The following RABEP1 variants were observed in gnomAD, a reference collection of about 807,000 sequenced individuals.
The protein encoded by RABEP1 is rab GTPase-binding effector protein 1.
In RABEP1, 51 loss-of-function variants were observed where a neutral mutation model predicts 123.4. The observed-to-expected ratio is 0.41, with a 90% CI of 0.33 to 0.52. The LOEUF (loss-of-function observed/expected upper bound fraction) is 0.52, where lower values mean the gene tolerates loss of function less well. RABEP1 is among the 20% of genes least tolerant of loss of function. RABEP1 has a pLI of 0.16. For synonymous variants in RABEP1, 347 were observed against 355.2 expected (o/e 0.98, Z 0.26); for missense variants, 888 against 996.3 (o/e 0.89, Z 1.46).
intron 5 of RABEP1, 159 bp downstream of exon 5, chr17:5,338,297 C>CAG: frequency 1.1e-6 from 1 of 907,062 alleles, no homozygotes; most frequent in Non-Finnish European, 1.5e-6. Flanking sequence ...CGAGGTGGCT[C>CAG]ACGCCTGTAA....
chr17:5,368,560 C>T, intron 12 of RABEP1, 92 bp downstream of exon 12: 3 of 922,628 alleles, frequency 3.3e-6, no homozygotes, highest in Middle Eastern at 2.6e-4. Context: ...AATTTATCAT[C>T]CTGTCCAAAG....
chr17:5,325,881 C>CA (rs1173825551), intron 2 of RABEP1, among the ~76,000 whole-genome samples: 3 of 151,950 alleles, frequency 2.0e-5, no homozygotes, highest in Non-Finnish European at 4.4e-5. Context: ...GCCACATTAC[C>CA]AAATGGGCAG....
chr17:5,309,195 T>C (rs2075210672), intron 2 of RABEP1, among the ~76,000 whole-genome samples: 1 of 152,206 alleles, frequency 6.6e-6, no homozygotes, highest in South Asian at 2.1e-4. Context: ...CCAACAAATA[T>C]TCAGTTATTT....
intron 4 of RABEP1, among the ~76,000 whole-genome samples, chr17:5,337,125 T>C (rs1246148900): frequency 2.0e-5 from 3 of 152,224 alleles, no homozygotes; most frequent in Admixed American, 6.5e-5. Context: ...TTGGTTCCTT[T>C]TAATCCATGT....
rs764630692 is a variant in RABEP1 at position 5,381,731 on chromosome 17, G to A, written c.2487+226G>A. On this transcript the variant is annotated intron_variant, in intron 17 of 17. Transcript: ENST00000537505. Reference sequence around the variant, plus strand: ...TGCCTTGCCAATTTTGCCTCCTTATGAGTAAAGTACTGACTCCTTAGCATA... The same window carrying A: ...TGCCTTGCCAATTTTGCCTCCTTATAAGTAAAGTACTGACTCCTTAGCATA... 51 of 551,584 alleles carry A rather than the reference G, an allele frequency of 9.2e-5. 2 individuals carry two copies. The South Asian group carries it at 1.7e-3, about 18-fold the overall frequency. The allele number at this position is 551,584 out of a possible 1,614,324, so 34.2% of individuals were successfully genotyped here.
chr17:5,375,558 T>C (rs1302160105), intron 13 of RABEP1, among the ~76,000 whole-genome samples: 1 of 152,006 alleles, frequency 6.6e-6, no homozygotes, highest in Non-Finnish European at 1.5e-5. Context: ...TAGCCAAGGA[T>C]GGTGGCACAC....
At chr17:5,334,479 G>A (rs1281077611) in intron 3 of RABEP1, among the ~76,000 whole-genome samples, 4 of 152,048 alleles carry the variant, frequency 2.6e-5, no homozygotes, top group South Asian at 4.1e-4. Context: ...TGATCCACCC[G>A]CCTCGGCCTC....
intron 2 of RABEP1, 111 bp downstream of exon 2, chr17:5,308,933 C>A: frequency 1.8e-6 from 2 of 1,104,322 alleles, no homozygotes; most frequent in South Asian, 2.0e-5. Flanking sequence ...TTTATTTGTA[C>A]TTGCATAATA....
At chr17:5,363,351 C>CT (rs1185964645) in intron 10 of RABEP1, among the ~76,000 whole-genome samples, 1 of 151,882 alleles carries the variant, frequency 6.6e-6, no homozygotes, top group Non-Finnish European at 1.5e-5. Flanking sequence ...TGCCGAGTAG[C>CT]TGGGATTACA....
At chr17:5,291,257 A>C (rs917159860) in intron 1 of RABEP1, among the ~76,000 whole-genome samples, 1 of 152,054 alleles carries the variant, frequency 6.6e-6, no homozygotes, top group South Asian at 2.1e-4. Flanking sequence ...AAAAATACAA[A>C]AAATTAACTG....
intron 1 of RABEP1, among the ~76,000 whole-genome samples, chr17:5,282,923 C>T (rs1209901693): frequency 7.2e-5 from 11 of 152,062 alleles, no homozygotes; most frequent in Admixed American, 7.2e-4. Context: ...AGTGTACCCT[C>T]CCTGCCGCCC....
chr17:5,301,178 A>G (rs530865491), intron 1 of RABEP1, among the ~76,000 whole-genome samples: 1 of 152,180 alleles, frequency 6.6e-6, no homozygotes, highest in Non-Finnish European at 1.5e-5. Flanking sequence ...GACTGATACC[A>G]TTTCTGATTC....
At chr17:5,303,804 G>A (rs1178161039) in intron 1 of RABEP1, among the ~76,000 whole-genome samples, 3 of 152,000 alleles carry the variant, frequency 2.0e-5, no homozygotes, top group Admixed American at 6.6e-5. Flanking sequence ...AGGCCAAGGC[G>A]GGCAGATCAC....
chr17:5,332,109 A>G lies in RABEP1; in HGVS notation c.324A>G (p.Arg108=). ...TKQEAIDEVK[R]QWREEVASLQ... ...AAGAAGCTATAGATGAAGTGAAAAG[A>G]CAGTGGAGAGAAGAAGTTGCTTCAC... The change falls in exon 3 of 18, where the codon AGA becomes AGG. Residue 108 remains arginine, a synonymous_variant. Transcript: ENST00000537505. 6.2e-7 allele frequency: 1 copy of G among 1,614,158 alleles called. No individual in the cohort carries two copies. Among genetic ancestry groups the G allele is most frequent in the Non-Finnish European group, 8.5e-7 (1 of 1,180,028 alleles).
rs1256088806 is a variant in RABEP1 at position 5,323,825 on chromosome 17, TATATATATCTAGGA to T, written c.164-8115_164-8102del. 1.9e-3 allele frequency among the ~76,000 whole-genome samples: 242 copies of T among 125,220 alleles called. 22 individuals carry two copies. Among genetic ancestry groups the T allele is most frequent in the African/African-American group, 7.7e-3 (229 of 29,764 alleles). 82.1% of individuals were successfully genotyped at this position (125,220 alleles called of 152,430 possible). On this transcript the variant is annotated intron_variant, in intron 2 of 17. Transcript: ENST00000537505. ...ATATATATATATATCTAGGAATATATATATATATCTAGGAATATATATATATATCTAGGAATATA... is the reference window on the plus strand; with the variant it reads ...ATATATATATATATCTAGGAATATATATATATATATATATCTAGGAATATA...
At chr17:5,365,581 A>G (rs531401633) in intron 11 of RABEP1, among the ~76,000 whole-genome samples, 6 of 152,112 alleles carry the variant, frequency 3.9e-5, no homozygotes, top group Non-Finnish European at 8.8e-5. Context: ...AGAAAAAAAA[A>G]ACATATACAG....
intron 1 of RABEP1, among the ~76,000 whole-genome samples, chr17:5,300,917 T>G (rs1031751700): frequency 1.3e-5 from 2 of 152,176 alleles, no homozygotes; most frequent in Admixed American, 6.5e-5. Context: ...AAGGGCTTGT[T>G]AAGCATGTTA....
intron 13 of RABEP1, among the ~76,000 whole-genome samples, chr17:5,376,749 G>C (rs1296583447): frequency 6.6e-6 from 1 of 152,140 alleles, no homozygotes; most frequent in Non-Finnish European, 1.5e-5. Flanking sequence ...TTGCTACTCA[G>C]TTTTGTCTTC....
At chr17:5,346,151 A>G (rs893736287) in intron 5 of RABEP1, among the ~76,000 whole-genome samples, 1 of 152,154 alleles carries the variant, frequency 6.6e-6, no homozygotes, top group Non-Finnish European at 1.5e-5. Flanking sequence ...CATTCTGCCC[A>G]CCTTTGCCTC....
Sources: gnomAD v4.1 joint callset for allele counts (sites outside exome capture counted in the v4.1 genomes callset) on GRCh38, gnomAD v4.1.1 for gene constraint, MANE v1.5 for transcripts, NCBI Gene and HGNC (gene_info 2026-07-23, HGNC 2026-07-21) for gene names.